Variants in ZMPSTE24 observed in about 807,000 individuals in gnomAD.
The protein encoded by ZMPSTE24 is CAAX prenyl protease 1 homolog.
In ZMPSTE24, 48 loss-of-function variants were observed where a neutral mutation model predicts 56.7. The observed-to-expected ratio is 0.85, with a 90% CI of 0.67 to 1.08. The LOEUF (loss-of-function observed/expected upper bound fraction) is 1.08, where lower values mean the gene tolerates loss of function less well. Among genes scored for constraint, ZMPSTE24 ranks in the 50% least tolerant of loss-of-function variants. The pLI, the probability that ZMPSTE24 is intolerant of heterozygous loss-of-function variation, is 0.00. For synonymous variants in ZMPSTE24, 172 were observed against 195.2 expected (o/e 0.88, Z 0.99); for missense variants, 503 against 548.7 (o/e 0.92, Z 0.83).
In ZMPSTE24 at chr1:40,290,709, G is replaced by T. The variant is rs1373689681; in HGVS notation, c.1060-145G>T. 4.8e-5 allele frequency: 39 copies of T among 805,730 alleles called. No individual in the cohort carries two copies. In the East Asian group the frequency reaches 1.1e-3, roughly 23 times the overall value. 49.9% of individuals were successfully genotyped at this position (805,730 alleles called of 1,614,324 possible). On this transcript the variant is annotated intron_variant, in intron 8 of 9. Coordinates refer to ENST00000372759, the MANE Select transcript of ZMPSTE24 (RefSeq NM_005857.5). ...AATCTCCTGACCTCGTGATCCACCC[G>T]CCTTGGCCTCCCAAAGTGCTGGGAT...
chr1:40,290,723 A>G, intron 8 of ZMPSTE24, 131 bp from the exon 9 acceptor site: 3 of 1,052,636 alleles, frequency 2.8e-6, no homozygotes, highest in Non-Finnish European at 4.2e-6. Context: ...TGGCCTCCCA[A>G]AGTGCTGGGA....
intron 7 of ZMPSTE24, among the ~76,000 whole-genome samples, chr1:40,285,711 G>A (rs1643780296): frequency 6.6e-6 from 1 of 151,030 alleles, no homozygotes; most frequent in African/African-American, 2.5e-5. Context: ...GTCTGGGAAT[G>A]TCCATCTTGT....
intron 6 of ZMPSTE24, among the ~76,000 whole-genome samples, chr1:40,274,448 T>C (rs2124585118): frequency 6.6e-6 from 1 of 152,344 alleles, no homozygotes; most frequent in Non-Finnish European, 1.5e-5. Flanking sequence ...TTTGGTCTGA[T>C]AAGTTGATAC....
At chr1:40,273,557 T>C (rs1192651665) in intron 6 of ZMPSTE24, among the ~76,000 whole-genome samples, 15 of 110,340 alleles carry the variant, frequency 1.4e-4, no homozygotes, top group African/African-American at 5.6e-4. Context: ...TATATATATA[T>C]ATATATATAT....
intron 2 of ZMPSTE24, among the ~76,000 whole-genome samples, chr1:40,267,501 T>C (rs908268523): frequency 3.3e-5 from 5 of 151,220 alleles, no homozygotes; most frequent in Non-Finnish European, 7.4e-5. Flanking sequence ...AGTAGCTGGG[T>C]CTACAGGTAC....
At chr1:40,274,198 T>A (rs1643646676) in intron 6 of ZMPSTE24, among the ~76,000 whole-genome samples, 1 of 152,204 alleles carries the variant, frequency 6.6e-6, no homozygotes, top group Admixed American at 6.5e-5. Flanking sequence ...AAACTACTTG[T>A]GTGACTTTGC....
At chr1:40,270,247 A>G (rs1317846764) in intron 5 of ZMPSTE24, 120 bp downstream of exon 5, 1 of 1,174,382 alleles carries the variant, frequency 8.5e-7, no homozygotes, top group Non-Finnish European at 1.3e-6. Flanking sequence ...GTGCTTATAT[A>G]CATTTCCCCC....
chr1:40,266,717 C>G (rs1643551996), intron 2 of ZMPSTE24, among the ~76,000 whole-genome samples: 1 of 143,840 alleles, frequency 7.0e-6, no homozygotes, highest in Non-Finnish European at 1.5e-5. Flanking sequence ...TAATGTGGTT[C>G]AAATTCCATT....
intron 8 of ZMPSTE24, among the ~76,000 whole-genome samples, chr1:40,286,932 A>G (rs1037755476): frequency 6.6e-6 from 1 of 151,060 alleles, no homozygotes; most frequent in Admixed American, 6.6e-5. Flanking sequence ...GGGTTTCTCA[A>G]TGTTGGCCAG....
Position 40,268,473 on chromosome 1 carries a change from G to C in ZMPSTE24, c.412G>C (p.Gly138Arg), listed in dbSNP as rs758598126. The change falls in exon 4 of 10, where the codon GGT becomes CGT. Residue 138 changes from glycine to arginine, a missense_variant. Transcript: ENST00000372759. ...LLATLFSALTGLPWSLYNTFV... is the reference protein window; with the variant it reads ...LLATLFSALTRLPWSLYNTFV... The stretch of plus-strand genomic sequence containing the variant: ...GGCTACACTTTTCAGTGCATTGACT[G>C]GTTTGCCATGGAGTCTTTATAATAC... The C allele has an allele frequency of 1.9e-6, 3 of 1,613,008 alleles. No homozygotes were observed. The highest frequency in any genetic ancestry group is 2.5e-6 in the Non-Finnish European group (3 of 1,179,956).
chr1:40,267,577 C>T (rs770369402), intron 2 of ZMPSTE24, among the ~76,000 whole-genome samples: 1 of 147,718 alleles, frequency 6.8e-6, no homozygotes, highest in African/African-American at 2.4e-5. Context: ...ACCTTGTTGC[C>T]CAGGCTGGTC....
chr1:40,266,637 C>T (rs923771687), intron 2 of ZMPSTE24, among the ~76,000 whole-genome samples: 1 of 152,122 alleles, frequency 6.6e-6, no homozygotes, highest in Non-Finnish European at 1.5e-5. Context: ...CATGACTCTC[C>T]ACTTCTGTGC....
intron 6 of ZMPSTE24, among the ~76,000 whole-genome samples, chr1:40,275,119 C>T (rs1022657787): frequency 6.6e-6 from 1 of 151,954 alleles, no homozygotes; most frequent in South Asian, 2.1e-4. Context: ...AGAAAAACTG[C>T]TTATTGAAGC....
intron 6 of ZMPSTE24, among the ~76,000 whole-genome samples, chr1:40,277,562 C>T (rs1049634417): frequency 4.6e-5 from 7 of 152,156 alleles, no homozygotes; most frequent in Non-Finnish European, 7.4e-5. Flanking sequence ...ATACCTGGAC[C>T]GGTGGGAGAT....
At chr1:40,270,877 G>A (rs1417476856) in intron 5 of ZMPSTE24, among the ~76,000 whole-genome samples, 1 of 152,154 alleles carries the variant, frequency 6.6e-6, no homozygotes, top group African/African-American at 2.4e-5. Context: ...CTGGCACTTT[G>A]GGAAGCCAAG....
intron 6 of ZMPSTE24, among the ~76,000 whole-genome samples, chr1:40,277,563 G>A (rs1050310588): frequency 5.3e-5 from 8 of 152,080 alleles, no homozygotes; most frequent in Non-Finnish European, 8.8e-5. Context: ...TACCTGGACC[G>A]GTGGGAGATA....
intron 6 of ZMPSTE24, among the ~76,000 whole-genome samples, chr1:40,274,926 T>C (rs1011625131): frequency 3.3e-5 from 5 of 151,646 alleles, no homozygotes; most frequent in Non-Finnish European, 7.4e-5. Context: ...TCAAAGATAA[T>C]GGCCTAGACT....
At chr1:40,264,445 A>C (rs1357077043) in intron 2 of ZMPSTE24, among the ~76,000 whole-genome samples, 1 of 152,166 alleles carries the variant, frequency 6.6e-6, no homozygotes, top group Non-Finnish European at 1.5e-5. Flanking sequence ...AATGCGTAGG[A>C]ATTACTTAGT....
intron 5 of ZMPSTE24, 75 bp downstream of exon 5, chr1:40,270,202 A>C: frequency 6.6e-7 from 1 of 1,523,542 alleles, no homozygotes; most frequent in Non-Finnish European, 9.1e-7. Context: ...ATTGGCATGT[A>C]AACAGTTCTT....
Sources: gnomAD v4.1 joint callset for allele counts (sites outside exome capture counted in the v4.1 genomes callset) on GRCh38, gnomAD v4.1.1 for gene constraint, MANE v1.5 for transcripts, NCBI Gene and HGNC (gene_info 2026-07-23, HGNC 2026-07-21) for gene names.